Variants in ARL15 observed in about 807,000 individuals in gnomAD.
The protein encoded by ARL15 is ADP-ribosylation factor-like protein 15.
In ARL15, 19 loss-of-function variants were observed where a neutral mutation model predicts 25.2. That is an observed-to-expected ratio of 0.75 (90% confidence interval 0.53 to 1.10). The LOEUF (loss-of-function observed/expected upper bound fraction) is 1.10. Ranked by LOEUF, ARL15 falls within the 50% of genes least tolerant of loss-of-function variation. The probability of loss-of-function intolerance (pLI) is 0.00; values close to 1 mark genes in which losing one functional copy is unlikely to be tolerated. For synonymous variants in ARL15, 94 were observed against 86.8 expected (o/e 1.08, Z -0.46); for missense variants, 220 against 246.0 (o/e 0.89, Z 0.71).
chr5:53,985,091 T>C (rs745540342), intron 4 of ARL15, among the ~76,000 whole-genome samples: 1 of 152,194 alleles, frequency 6.6e-6, no homozygotes, highest in Non-Finnish European at 1.5e-5. Flanking sequence ...TTCTAGCCCA[T>C]GTGTTTACAT....
chr5:54,003,531 T>C (rs1365932239), intron 4 of ARL15, among the ~76,000 whole-genome samples: 2 of 152,188 alleles, frequency 1.3e-5, no homozygotes, highest in African/African-American at 4.8e-5. Flanking sequence ...AATCAAACTG[T>C]TTTCCCTCAA....
At chr5:54,134,678 G>A (rs890302547) in intron 3 of ARL15, among the ~76,000 whole-genome samples, 7 of 142,476 alleles carry the variant, frequency 4.9e-5, no homozygotes, top group Non-Finnish European at 9.0e-5. Flanking sequence ...TCTGCCTCCC[G>A]GGTTCAAGCG....
intron 3 of ARL15, among the ~76,000 whole-genome samples, chr5:54,114,200 C>A (rs1242684685): frequency 6.6e-6 from 1 of 151,884 alleles, no homozygotes; most frequent in East Asian, 1.9e-4. Flanking sequence ...GAGTTCAAGA[C>A]CAGCCTGGCC....
chr5:53,933,341 A>AT (rs1272697168), intron 4 of ARL15, among the ~76,000 whole-genome samples: 2 of 152,156 alleles, frequency 1.3e-5, no homozygotes, highest in African/African-American at 4.8e-5. Context: ...AAGGTTTTCT[A>AT]TTATCAGTAA....
intron 4 of ARL15, among the ~76,000 whole-genome samples, chr5:53,943,243 A>G (rs1271705313): frequency 6.6e-6 from 1 of 152,216 alleles, no homozygotes; most frequent in Non-Finnish European, 1.5e-5. Context: ...TGATGATGCC[A>G]GAAAGAAAAT....
intron 4 of ARL15, among the ~76,000 whole-genome samples, chr5:53,972,661 T>C (rs1477141679): frequency 6.6e-6 from 1 of 152,172 alleles, no homozygotes; most frequent in South Asian, 2.1e-4. Context: ...TCTAGAGACT[T>C]TAGAGCCAGA....
chr5:54,103,639 T>C (rs978715282), intron 4 of ARL15, among the ~76,000 whole-genome samples: 15 of 152,296 alleles, frequency 9.8e-5, no homozygotes, highest in Non-Finnish European at 1.8e-4. Context: ...CACTTCTAAG[T>C]TGCATTCAGT....
intron 1 of ARL15, among the ~76,000 whole-genome samples, chr5:54,260,688 G>A (rs1202694327): frequency 6.6e-6 from 1 of 152,196 alleles, no homozygotes; most frequent in Non-Finnish European, 1.5e-5. Context: ...AGAGGGCAGA[G>A]TGCTCTAAAC....
chr5:54,156,475 T>A (rs1364567880), intron 2 of ARL15, among the ~76,000 whole-genome samples: 1 of 152,230 alleles, frequency 6.6e-6, no homozygotes, highest in East Asian at 1.9e-4. Context: ...ATGTTTCCAT[T>A]GATGCTTTTT....
intron 1 of ARL15, among the ~76,000 whole-genome samples, chr5:54,202,492 C>T (rs10079659): frequency 0.25 from 38,159 of 151,994 alleles, 5,293 homozygotes; most frequent in African/African-American, 0.35. Context: ...GGAATTCAGG[C>T]GACCCCTAGA....
chr5:54,056,233 T>TACTG (rs1487515033), intron 4 of ARL15, among the ~76,000 whole-genome samples: 2 of 152,136 alleles, frequency 1.3e-5, no homozygotes, highest in African/African-American at 2.4e-5. Flanking sequence ...CTGAATTTAA[T>TACTG]AAGTTATGTT....
intron 1 of ARL15, among the ~76,000 whole-genome samples, chr5:54,281,982 C>T (rs1252005236): frequency 1.3e-5 from 2 of 152,148 alleles, no homozygotes; most frequent in African/African-American, 2.4e-5. Flanking sequence ...GATGGACATT[C>T]GTATTGCATC....
intron 4 of ARL15, among the ~76,000 whole-genome samples, chr5:54,099,230 G>T (rs138691790): frequency 1.3e-5 from 2 of 151,958 alleles, no homozygotes; most frequent in African/African-American, 4.8e-5. Flanking sequence ...TAACAGTACC[G>T]CAAACTTGAC....
chr5:53,996,707 T>C (rs1440033752), intron 4 of ARL15, among the ~76,000 whole-genome samples: 1 of 152,084 alleles, frequency 6.6e-6, no homozygotes, highest in East Asian at 1.9e-4. Context: ...TGTTTTTCTT[T>C]TGCTACCTAA....
intron 4 of ARL15, among the ~76,000 whole-genome samples, chr5:54,029,682 G>T (rs974510434): frequency 6.6e-5 from 10 of 152,000 alleles, no homozygotes; most frequent in African/African-American, 2.4e-4. Flanking sequence ...AACACAGAAA[G>T]ACCCTGTCTC....
Position 54,061,427 on chromosome 5 carries a change from T to G in ARL15, c.462+51775A>C, listed in dbSNP as rs967922515. On this transcript the variant is annotated intron_variant, in intron 4 of 4. Transcript: ENST00000504924. ...GAGTTCGAGACCAGCCTGACTACCA[T>G]AGTGAAACCCCATCACTACTAAAAA... Among the ~76,000 whole-genome samples the G allele has an allele frequency of 2.0e-5, 3 of 152,028 alleles. No individual in the cohort carries two copies. The South Asian group carries it at 6.2e-4, about 32-fold the overall frequency.
chr5:54,081,759 C>G (rs1419214007), intron 4 of ARL15, among the ~76,000 whole-genome samples: 1 of 152,094 alleles, frequency 6.6e-6, no homozygotes, highest in Non-Finnish European at 1.5e-5. Context: ...AAACCTCTTT[C>G]CTTTATAAAT....
At chr5:54,055,505 CAT>C (rs1421636931) in intron 4 of ARL15, among the ~76,000 whole-genome samples, 1 of 151,942 alleles carries the variant, frequency 6.6e-6, no homozygotes, top group Non-Finnish European at 1.5e-5. Context: ...GGATTACAGG[CAT>C]ATGTCAACAA....
At chr5:54,010,341 A>G (rs1749192627) in intron 4 of ARL15, among the ~76,000 whole-genome samples, 1 of 152,248 alleles carries the variant, frequency 6.6e-6, no homozygotes, top group African/African-American at 2.4e-5. Flanking sequence ...TAAGACTTCC[A>G]AAACACTGGT....
Sources: gnomAD v4.1 joint callset for allele counts (sites outside exome capture counted in the v4.1 genomes callset) on GRCh38, gnomAD v4.1.1 for gene constraint, MANE v1.5 for transcripts, NCBI Gene and HGNC (gene_info 2026-07-23, HGNC 2026-07-21) for gene names.